The following RALGAPB variants were observed in gnomAD, a reference collection of about 807,000 sequenced individuals.
RALGAPB encodes ral GTPase-activating protein subunit beta.
In RALGAPB, 25 loss-of-function variants were observed where a neutral mutation model predicts 161.1. That is an observed-to-expected ratio of 0.16 (90% CI 0.11 to 0.22). RALGAPB has a LOEUF of 0.22. RALGAPB is among the 10% of genes least tolerant of loss of function. The probability of loss-of-function intolerance (pLI) is 1.00; values close to 1 mark genes in which losing one functional copy is unlikely to be tolerated. For missense variants in RALGAPB, 1,391 were observed against 1,815.2 expected (o/e 0.77, Z 4.25); for synonymous variants, 629 against 626.1 (o/e 1.00, Z -0.07).
chr20:38,546,117 G>A, intron 18 of RALGAPB, 126 bp from the exon 19 acceptor site: 1 of 1,507,850 alleles, frequency 6.6e-7, no homozygotes, highest in Non-Finnish European at 8.9e-7. Context: ...GAGTAAATCT[G>A]ACCTGTCAAG....
chr20:38,571,386 C>T (rs1162219725), intron 28 of RALGAPB, among the ~76,000 whole-genome samples: 1 of 152,138 alleles, frequency 6.6e-6, no homozygotes, highest in Non-Finnish European at 1.5e-5. Context: ...TTTTTCCCTC[C>T]CTGCAGTTCC....
At chr20:38,502,084 A>G (rs897192072) in intron 5 of RALGAPB, among the ~76,000 whole-genome samples, 4 of 152,236 alleles carry the variant, frequency 2.6e-5, no homozygotes, top group African/African-American at 7.2e-5. Context: ...CAAACATAAA[A>G]GCTGCAGTAT....
chr20:38,558,277 T>C lies in RALGAPB; in HGVS notation c.3373-18T>C. On this transcript the variant is annotated intron_variant, in intron 22 of 29. Coordinates refer to ENST00000262879, the MANE Select transcript of RALGAPB (RefSeq NM_020336.4). ...AAGAAAATAGGTAATAATTGCTCCTTTCTTCTTTTGGTGGCAGGAACCTGC... is the reference window on the plus strand; with the variant it reads ...AAGAAAATAGGTAATAATTGCTCCTCTCTTCTTTTGGTGGCAGGAACCTGC... 1.3e-6 allele frequency: 2 copies of C among 1,487,188 alleles called. No homozygotes were observed. The highest frequency in any genetic ancestry group is 1.8e-6 in the Non-Finnish European group (2 of 1,110,668). 92.1% of individuals were successfully genotyped at this position (1,487,188 alleles called of 1,614,324 possible).
chr20:38,480,385 C>CTTTTTTTTTTTTTT (rs71189925), intron 1 of RALGAPB, among the ~76,000 whole-genome samples: 5 of 128,744 alleles, frequency 3.9e-5, no homozygotes, highest in African/African-American at 6.2e-5. Context: ...TTCTTTCTTT[C>CTTTTTTTTTTTTTT]TTTTTTTTTT....
At chr20:38,497,278 C>T (rs2085454391) in intron 3 of RALGAPB, 75 bp from the exon 4 acceptor site, 5 of 1,396,194 alleles carry the variant, frequency 3.6e-6, no homozygotes, top group Non-Finnish European at 4.0e-6. Context: ...CTTGCTACAT[C>T]CATAAGTCAC....
At chr20:38,522,747 G>A (rs760993852) in intron 10 of RALGAPB, among the ~76,000 whole-genome samples, 4 of 152,130 alleles carry the variant, frequency 2.6e-5, no homozygotes, top group African/African-American at 7.2e-5. Flanking sequence ...AACTATCGGC[G>A]CTTGGTTTAA....
chr20:38,559,908 C>G (rs1406455310), intron 23 of RALGAPB, among the ~76,000 whole-genome samples: 1 of 152,118 alleles, frequency 6.6e-6, no homozygotes, highest in African/African-American at 2.4e-5. Context: ...CGAAGGAAGA[C>G]TTGTAAAATG....
Position 38,493,033 on chromosome 20 carries a change from T to C in RALGAPB, c.290T>C (p.Leu97Ser), listed in dbSNP as rs757246120. 1.7e-5 allele frequency: 27 copies of C among 1,611,478 alleles called. No individual in the cohort carries two copies. The highest frequency in any genetic ancestry group is 2.3e-5 in the Non-Finnish European group (27 of 1,177,740). ...GTATATACAGACTGGATTATGGCTT[T>C]AGTGTTGCCAAAAGATTCTATTCCA... is the stretch of plus-strand genomic sequence containing the variant. The part of the protein sequence containing the change: ...VDVYTDWIMA[L>S]VLPKDSIPLP... Residue 97 changes from leucine (L) to serine (S), a missense_variant, in exon 3 of 30, where the codon TTA (leucine) becomes TCA (serine). This residue lies in a region of RALGAPB where 946 missense variants were observed against 1,257.2 expected (regional missense o/e 0.75). Coordinates refer to ENST00000262879, the MANE Select transcript of RALGAPB (RefSeq NM_020336.4).
intron 1 of RALGAPB, among the ~76,000 whole-genome samples, chr20:38,482,643 G>C (rs919384379): frequency 1.3e-5 from 2 of 151,946 alleles, no homozygotes; most frequent in African/African-American, 4.8e-5. Context: ...TGGTCAGGCC[G>C]GTCTCGAACT....
At chr20:38,540,865 AG>A (rs1439261958) in intron 17 of RALGAPB, among the ~76,000 whole-genome samples, 175 bp from the exon 18 acceptor site, 9 of 152,090 alleles carry the variant, frequency 5.9e-5, no homozygotes, top group East Asian at 1.9e-4. Flanking sequence ...AATTGGGGGG[AG>A]GGGGTGTAAA....
chr20:38,489,941 T>TG (rs2085227305), intron 2 of RALGAPB, among the ~76,000 whole-genome samples: 1 of 152,124 alleles, frequency 6.6e-6, no homozygotes, highest in African/African-American at 2.4e-5. Context: ...GGTGCTCTGA[T>TG]GCAGCCCTTT....
chr20:38,524,654 C>A, intron 10 of RALGAPB, 124 bp from the exon 11 acceptor site: 3 of 720,556 alleles, frequency 4.2e-6, no homozygotes, highest in Non-Finnish European at 4.6e-6. Flanking sequence ...CCAATAATGT[C>A]CTTTCTTTAA....
chr20:38,532,684 G>A (rs747286065), intron 14 of RALGAPB, 46 bp from the exon 15 acceptor site: 2 of 1,601,532 alleles, frequency 1.2e-6, no homozygotes, highest in Non-Finnish European at 1.7e-6. Flanking sequence ...ATTTATGCTT[G>A]TAAACTGTGA....
rs536979995 is a variant in RALGAPB at position 38,480,774 on chromosome 20, G to A, written c.-30-7629G>A. Reference sequence around the variant, plus strand: ...TTTTTTTGAGACGGAGTCTCGCTCTGTCACCCAGGCTGGAGTGCAGTGGCG... The same window carrying A: ...TTTTTTTGAGACGGAGTCTCGCTCTATCACCCAGGCTGGAGTGCAGTGGCG... On this transcript the variant is annotated intron_variant, in intron 1 of 29. Coordinates refer to ENST00000262879, the MANE Select transcript of RALGAPB (RefSeq NM_020336.4). 2.1e-3 allele frequency among the ~76,000 whole-genome samples: 232 copies of A among 112,370 alleles called. 2 individuals carry two copies. The highest frequency in any genetic ancestry group is 3.3e-3 in the Non-Finnish European group (200 of 60,928). 73.7% of individuals were successfully genotyped at this position (112,370 alleles called of 152,430 possible).
intron 1 of RALGAPB, among the ~76,000 whole-genome samples, chr20:38,473,353 G>T (rs1428236906): frequency 6.6e-6 from 1 of 152,148 alleles, no homozygotes; most frequent in African/African-American, 2.4e-5. Flanking sequence ...GGAGGGGGCG[G>T]GTCTGGAGCG....
At chr20:38,535,917 G>A (rs555284263) in intron 16 of RALGAPB, among the ~76,000 whole-genome samples, 3 of 152,202 alleles carry the variant, frequency 2.0e-5, no homozygotes, top group East Asian at 1.9e-4. Flanking sequence ...TTTCCCAGCC[G>A]TTACTTCAGT....
At position 38,575,284 on chromosome 20, in the gene RALGAPB, ACACGTG is replaced by A. The variant is rs138578211; in HGVS notation, c.*320_*325del. The A allele has an allele frequency of 4.0e-4, 96 of 239,322 alleles. 1 individual carries two copies. Among genetic ancestry groups the A allele is most frequent in the Non-Finnish European group, 6.2e-4 (76 of 122,864 alleles). 14.8% of individuals were successfully genotyped at this position (239,322 alleles called of 1,614,324 possible). A position where few individuals can be genotyped will look rare whatever the true frequency, so the allele number is the denominator to read the frequency against. ...AAAGGCTTTTATGCATCTCAGTTAA[ACACGTG>A]CATTGGTAGTATCAACAAATTTGCA... On this transcript the variant is annotated 3_prime_UTR_variant, in exon 30 of 30. Transcript: ENST00000262879.
chr20:38,499,348 C>T, intron 4 of RALGAPB, 99 bp from the exon 5 acceptor site: 9 of 1,113,176 alleles, frequency 8.1e-6, no homozygotes, highest in Non-Finnish European at 1.2e-5. Context: ...TAATATTGCA[C>T]TTATTTTAAT....
chr20:38,521,568 A>C lies in RALGAPB; in HGVS notation c.1489A>C (p.Asn497His), dbSNP rs773198693. Reference protein sequence around the residue: ...SQMSTDTMVSNPMFDASEFPD... With the variant: ...SQMSTDTMVSHPMFDASEFPD... Reference sequence around the variant, plus strand: ...AATGTCCACAGACACCATGGTTTCCAATCCTATGTTTGATGCAAGTGAATT... The same window carrying C: ...AATGTCCACAGACACCATGGTTTCCCATCCTATGTTTGATGCAAGTGAATT... The change falls in exon 10 of 30, where the codon AAT becomes CAT. Residue 497 changes from asparagine (N) to histidine (H), a missense_variant. Physicochemically the swap from Asn to His is moderately conservative, Grantham distance 68. Around this residue, in one of 3 missense-constraint regions of RALGAPB, gnomAD observed 946 missense variants for 1,257.2 expected, o/e 0.75. Transcript: ENST00000262879. 2 of 1,614,206 alleles carry C rather than the reference A, an allele frequency of 1.2e-6. No individual in the cohort carries two copies. Among genetic ancestry groups the C allele is most frequent in the Non-Finnish European group, 1.7e-6 (2 of 1,180,030 alleles).
Sources: allele counts gnomAD v4.1 joint callset (sites outside exome capture counted in the v4.1 genomes callset), GRCh38; gene constraint gnomAD v4.1.1; regional missense constraint gnomAD v4.1.1; transcripts MANE v1.5; gene names NCBI Gene and HGNC (gene_info 2026-07-23, HGNC 2026-07-21).